Variants in SULF1 observed in about 807,000 individuals in gnomAD.
SULF1 encodes the protein sulfatase 1.
In SULF1, 46 loss-of-function variants were observed where a neutral mutation model predicts 110.5. The ratio of observed to expected loss-of-function variants is 0.42; its 90% CI spans 0.33 to 0.53. The LOEUF (loss-of-function observed/expected upper bound fraction) is 0.53. Among genes scored for constraint, SULF1 ranks in the 20% least tolerant of loss-of-function variants. SULF1 has a pLI of 0.12. For synonymous variants in SULF1, 371 were observed against 387.1 expected (o/e 0.96, Z 0.49); for missense variants, 941 against 1,094.2 (o/e 0.86, Z 1.98).
intron 19 of SULF1, among the ~76,000 whole-genome samples, chr8:69,632,098 C>A (rs1342000653): frequency 6.6e-6 from 1 of 152,176 alleles, no homozygotes; most frequent in East Asian, 1.9e-4. Flanking sequence ...CAAATCAACT[C>A]ATGTCAATTT....
intron 15 of SULF1, 93 bp downstream of exon 15, chr8:69,624,290 G>T (rs561296450): frequency 6.7e-7 from 1 of 1,491,628 alleles, no homozygotes; most frequent in African/African-American, 1.4e-5. Flanking sequence ...CAAAAAAGCA[G>T]TATCACTTGG....
At chr8:69,632,599 G>A (rs969713708) in intron 19 of SULF1, among the ~76,000 whole-genome samples, 1 of 151,822 alleles carries the variant, frequency 6.6e-6, no homozygotes, top group African/African-American at 2.4e-5. Context: ...AATCCACCCA[G>A]GCACAAGATC....
upstream of SULF1, among the ~76,000 whole-genome samples, chr8:69,489,064 G>A (rs1809811578): frequency 6.6e-6 from 1 of 152,126 alleles, no homozygotes; most frequent in Admixed American, 6.5e-5. Context: ...TGAAAGCAGG[G>A]GAGCTCACAG....
At chr8:69,546,542 T>A (rs966654217) in intron 3 of SULF1, among the ~76,000 whole-genome samples, 1 of 152,222 alleles carries the variant, frequency 6.6e-6, no homozygotes, top group African/African-American at 2.4e-5. Context: ...AAATTTTGCG[T>A]TTCATGTCAA....
At chr8:69,588,924 G>T in intron 7 of SULF1, 48 bp from the exon 8 acceptor site, 1 of 1,571,564 alleles carries the variant, frequency 6.4e-7, no homozygotes, top group Non-Finnish European at 8.7e-7. Flanking sequence ...GCGATCTGAT[G>T]AATGTCACCT....
At chr8:69,541,250 G>A (rs918187021) in intron 3 of SULF1, among the ~76,000 whole-genome samples, 3 of 152,180 alleles carry the variant, frequency 2.0e-5, no homozygotes, top group Non-Finnish European at 4.4e-5. Context: ...AAATTGATAT[G>A]GAATGGCCCT....
At chr8:69,479,925 G>A (rs1053598750) in intron 1 of SULF1, among the ~76,000 whole-genome samples, 4 of 152,026 alleles carry the variant, frequency 2.6e-5, no homozygotes, top group African/African-American at 4.8e-5. Flanking sequence ...CTCCCTTTTC[G>A]ACCATGGACT....
intron 3 of SULF1, among the ~76,000 whole-genome samples, chr8:69,530,133 G>T (rs1055412106): frequency 6.6e-6 from 1 of 152,140 alleles, no homozygotes; most frequent in African/African-American, 2.4e-5. Context: ...CATCTTCCCA[G>T]GAGAGCTAGC....
At position 69,605,082 on chromosome 8, in the gene SULF1, G is replaced by A. The variant is rs147375316; in HGVS notation, c.1377+150G>A. Reference sequence around the variant, plus strand: ...CAAGCTCACTGAGACACCTCTCCGCGGACAGAATTACGTAACTGGTTCAGG... The same window carrying A: ...CAAGCTCACTGAGACACCTCTCCGCAGACAGAATTACGTAACTGGTTCAGG... On this transcript the variant is annotated intron_variant, in intron 13 of 22. Coordinates refer to ENST00000402687, the MANE Select transcript of SULF1 (RefSeq NM_001128205.2). 99 of 1,105,566 alleles carry A rather than the reference G, an allele frequency of 9.0e-5. No individual in the cohort carries two copies. The East Asian group carries it at 1.1e-3, about 12-fold the overall frequency. The allele number at this position is 1,105,566 out of a possible 1,614,324, so 68.5% of individuals were successfully genotyped here.
intron 3 of SULF1, among the ~76,000 whole-genome samples, chr8:69,555,596 G>T (rs957077096): frequency 2.6e-5 from 4 of 151,930 alleles, no homozygotes; most frequent in African/African-American, 9.7e-5. Flanking sequence ...GGCATAAGTT[G>T]CAGTGAGCCA....
intron 22 of SULF1, among the ~76,000 whole-genome samples, chr8:69,643,926 G>T (rs558986950): frequency 6.6e-6 from 1 of 152,310 alleles, no homozygotes; most frequent in South Asian, 2.1e-4. Context: ...TCCCCACTGC[G>T]TATGAAAGCT....
chr8:69,633,717 A>T (rs1393841394), intron 19 of SULF1, among the ~76,000 whole-genome samples: 1 of 151,848 alleles, frequency 6.6e-6, no homozygotes, highest in Non-Finnish European at 1.5e-5. Flanking sequence ...CAGAACGTGC[A>T]GTTTTGTTAC....
chr8:69,499,761 AT>A (rs953337892), intron 2 of SULF1, among the ~76,000 whole-genome samples: 5 of 152,112 alleles, frequency 3.3e-5, no homozygotes, highest in African/African-American at 1.2e-4. Context: ...ATTATTATTT[AT>A]TTTTTTAAAG....
At chr8:69,557,529 C>G (rs1042225971) in intron 3 of SULF1, among the ~76,000 whole-genome samples, 7 of 152,154 alleles carry the variant, frequency 4.6e-5, no homozygotes, top group Admixed American at 4.6e-4. Context: ...CACTCTTCAA[C>G]CCTCACTTCA....
intron 13 of SULF1, among the ~76,000 whole-genome samples, chr8:69,614,291 T>C (rs1465974305): frequency 6.6e-6 from 1 of 152,222 alleles, no homozygotes; most frequent in African/African-American, 2.4e-5. Flanking sequence ...GACTTTTTCC[T>C]TTAAGCCACA....
chr8:69,600,665 C>A lies in SULF1; in HGVS notation c.797C>A (p.Pro266Gln), dbSNP rs756518804. The change falls in exon 9 of 23, where the codon CCA becomes CAA. Residue 266 changes from proline (P) to glutamine (Q), a missense_variant. Physicochemically the swap from Pro to Gln is moderately conservative, Grantham distance 76. Coordinates refer to ENST00000402687, the MANE Select transcript of SULF1 (RefSeq NM_001128205.2). Reference sequence around the variant, plus strand: ...CACTGGATTATGCAGTACACAGGACCAATGCTGCCCATCCACATGGAATTT... The same window carrying A: ...CACTGGATTATGCAGTACACAGGACAAATGCTGCCCATCCACATGGAATTT... Reference protein sequence around the residue: ...DKHWIMQYTGPMLPIHMEFTN... With the variant: ...DKHWIMQYTGQMLPIHMEFTN... The A allele has an allele frequency of 3.1e-6, 5 of 1,613,992 alleles. No individual in the cohort carries two copies. The highest frequency in any genetic ancestry group is 2.2e-5 in the East Asian group (1 of 44,874).
chr8:69,483,888 G>A (rs1258900548), intron 1 of SULF1, among the ~76,000 whole-genome samples: 1 of 152,166 alleles, frequency 6.6e-6, no homozygotes, highest in African/African-American at 2.4e-5. Flanking sequence ...AACAATAACA[G>A]CTAAGATTTA....
chr8:69,556,644 G>T (rs1815135586), intron 3 of SULF1, among the ~76,000 whole-genome samples: 1 of 152,184 alleles, frequency 6.6e-6, no homozygotes. Flanking sequence ...CAAATTTAAT[G>T]AAATTTAATG....
At chr8:69,568,769 G>A (rs558573696) in intron 5 of SULF1, among the ~76,000 whole-genome samples, 18 of 152,256 alleles carry the variant, frequency 1.2e-4, no homozygotes, top group Non-Finnish European at 2.2e-4. Flanking sequence ...AAGTAAACAC[G>A]CAAGGAAGTG....
Sources: allele counts gnomAD v4.1 joint callset (sites outside exome capture counted in the v4.1 genomes callset), GRCh38; gene constraint gnomAD v4.1.1; transcripts MANE v1.5; gene names NCBI Gene and HGNC (gene_info 2026-07-23, HGNC 2026-07-21).